Variants in CSMD1 observed in about 807,000 individuals in gnomAD.
CSMD1 encodes CUB and sushi domain-containing protein 1.
In CSMD1, 213 loss-of-function variants were observed where a neutral mutation model predicts 417.5. The ratio of observed to expected loss-of-function variants is 0.51; its 90% CI spans 0.46 to 0.57. The LOEUF is 0.57. Among genes scored for constraint, CSMD1 ranks in the 20% least tolerant of loss-of-function variants. CSMD1 has a pLI of 0.00. For missense variants in CSMD1, 6,923 were observed against 4,529.7 expected, an observed-to-expected ratio of 1.53 and a Z score of -15.17; for synonymous variants, 2,862 against 1,736.8, an observed-to-expected ratio of 1.65 and a Z score of -16.11.
At chr8:4,639,766 T>C (rs1026756760) in intron 1 of CSMD1, among the ~76,000 whole-genome samples, 3 of 152,188 alleles carry the variant, frequency 2.0e-5, no homozygotes, top group South Asian at 2.1e-4. Flanking sequence ...TGAGCTCAAA[T>C]CATTCACAGT....
At chr8:2,969,214 A>T (rs1804225420) in intron 57 of CSMD1, among the ~76,000 whole-genome samples, 1 of 152,204 alleles carries the variant, frequency 6.6e-6, no homozygotes, top group African/African-American at 2.4e-5. Context: ...TATTAGTGGT[A>T]GCAATGAGTT....
At chr8:4,013,887 A>T (rs1796396724) in intron 4 of CSMD1, among the ~76,000 whole-genome samples, 1 of 152,206 alleles carries the variant, frequency 6.6e-6, no homozygotes, top group African/African-American at 2.4e-5. Flanking sequence ...TATGACATGA[A>T]AACAAAATAT....
chr8:4,280,119 G>A (rs922551909), intron 3 of CSMD1, among the ~76,000 whole-genome samples: 1 of 152,094 alleles, frequency 6.6e-6, no homozygotes, highest in Non-Finnish European at 1.5e-5. Flanking sequence ...TCATTACACC[G>A]TACACTTCAA....
At chr8:3,807,062 T>C (rs1800781632) in intron 5 of CSMD1, among the ~76,000 whole-genome samples, 1 of 152,140 alleles carries the variant, frequency 6.6e-6, no homozygotes, top group Non-Finnish European at 1.5e-5. Flanking sequence ...GGTAGCTTAA[T>C]TATTACTATC....
intron 5 of CSMD1, among the ~76,000 whole-genome samples, chr8:3,981,396 A>T (rs952614232): frequency 6.6e-6 from 1 of 150,838 alleles, no homozygotes; most frequent in East Asian, 2.0e-4. Flanking sequence ...GGTGCAGTGT[A>T]TACTGCTTAG....
In CSMD1 at chr8:4,739,534, A is replaced by G. The variant is rs531459116; in HGVS notation, c.86-101976T>C. 2.4e-4 allele frequency among the ~76,000 whole-genome samples: 36 copies of G among 152,308 alleles called. No homozygotes were observed. In the South Asian group the frequency reaches 7.3e-3, roughly 31 times the overall value. On this transcript the variant is annotated intron_variant, in intron 1 of 69. Transcript: ENST00000635120. ...TGCTGTGACTCAATGATAATAACTT[A>G]AAGAAAATCATAATAAGCTCCAGAA...
chr8:3,696,610 T>C (rs1216618935), intron 7 of CSMD1, among the ~76,000 whole-genome samples: 3 of 152,178 alleles, frequency 2.0e-5, no homozygotes, highest in Non-Finnish European at 4.4e-5. Context: ...AAATGAGCGC[T>C]TTGGAAGATT....
chr8:3,441,412 A>G (rs1814976977), intron 12 of CSMD1, among the ~76,000 whole-genome samples: 3 of 152,012 alleles, frequency 2.0e-5, no homozygotes, highest in African/African-American at 7.2e-5. Flanking sequence ...TTAATTTAAT[A>G]AATGACATTG....
In CSMD1 at chr8:2,976,761, TA is replaced by T. The variant is rs1325869415; in HGVS notation, c.8566+1850del. Among the ~76,000 whole-genome samples, 5 of 152,352 alleles carry T rather than the reference TA, an allele frequency of 3.3e-5. No homozygotes were observed. In the East Asian group the frequency reaches 7.7e-4, roughly 24 times the overall value. On this transcript the variant is annotated intron_variant, in intron 55 of 69. Transcript: ENST00000635120. ...GACTAAAGAGAGTAACACCTTTTCC[TA>T]AATCTTCAGACTATGATCTTAAGAC...
chr8:3,221,225 G>T (rs1798193022), intron 28 of CSMD1, among the ~76,000 whole-genome samples: 1 of 152,038 alleles, frequency 6.6e-6, no homozygotes, highest in Admixed American at 6.6e-5. Flanking sequence ...TTTGGGTCAA[G>T]GATACCCTCA....
chr8:4,711,125 G>C (rs1325787196), intron 1 of CSMD1, among the ~76,000 whole-genome samples: 3 of 151,038 alleles, frequency 2.0e-5, no homozygotes, highest in Non-Finnish European at 4.4e-5. Context: ...GAGAAGTTTG[G>C]TAAAATGGAT....
chr8:4,090,792 G>A (rs1047751819), intron 3 of CSMD1, among the ~76,000 whole-genome samples: 9 of 152,142 alleles, frequency 5.9e-5, no homozygotes, highest in African/African-American at 9.7e-5. Flanking sequence ...TCACTGGTGC[G>A]TGGTTAAAGA....
At position 3,684,596 on chromosome 8, in the gene CSMD1, C is replaced by CT. The variant is rs141663569; in HGVS notation, c.1009+23817dup. On this transcript the variant is annotated intron_variant, in intron 7 of 69. Coordinates refer to ENST00000635120, the MANE Select transcript of CSMD1 (RefSeq NM_033225.6). ...ACCCAGTTGCAGATACTGATACAGT[C>CT]TTTTTTTTTTTTTTTTTTTTAGACG... 5.4e-3 allele frequency among the ~76,000 whole-genome samples: 695 copies of CT among 127,914 alleles called. 5 individuals carry two copies. The highest frequency in any genetic ancestry group is 0.023 in the South Asian group (92 of 4,008). 83.9% of individuals were successfully genotyped at this position (127,914 alleles called of 152,430 possible).
At chr8:3,226,502 G>C (rs1006051325) in intron 27 of CSMD1, among the ~76,000 whole-genome samples, 3 of 149,700 alleles carry the variant, frequency 2.0e-5, no homozygotes, top group African/African-American at 4.9e-5. Flanking sequence ...AGAATCGCTT[G>C]AACCTGGGAG....
intron 7 of CSMD1, among the ~76,000 whole-genome samples, chr8:3,672,231 A>C (rs936059831): frequency 6.6e-6 from 1 of 152,178 alleles, no homozygotes; most frequent in Non-Finnish European, 1.5e-5. Flanking sequence ...TTATTTGCTC[A>C]TAAGATTTTT....
intron 7 of CSMD1, among the ~76,000 whole-genome samples, chr8:3,646,529 C>T (rs532563403): frequency 6.6e-6 from 1 of 152,190 alleles, no homozygotes; most frequent in Non-Finnish European, 1.5e-5. Context: ...TGTAGCATTC[C>T]AAGGGAAAGG....
chr8:3,118,850 T>C (rs1032501481), intron 41 of CSMD1, among the ~76,000 whole-genome samples: 11 of 152,176 alleles, frequency 7.2e-5, no homozygotes, highest in Admixed American at 6.5e-5. Context: ...TTATAATGCT[T>C]ACCTTGGAAA....
At chr8:3,275,694 G>A (rs1169207279) in intron 26 of CSMD1, among the ~76,000 whole-genome samples, 1 of 152,000 alleles carries the variant, frequency 6.6e-6, no homozygotes, top group Admixed American at 6.5e-5. Context: ...TTCCATCACT[G>A]ATACCATTTC....
rs528391629 is a variant in CSMD1 at position 3,513,208 on chromosome 8, T to C, written c.1345-19482A>G. Among the ~76,000 whole-genome samples, 89 of 152,268 alleles carry C rather than the reference T, an allele frequency of 5.8e-4. 1 individual carries two copies. The highest frequency in any genetic ancestry group is 5.2e-3 in the Admixed American group (79 of 15,286). ...AAACTTTGGGAAAAAAATAGTTACA[T>C]ACTAATCCTCCAACTTTAATAAATC... is the stretch of plus-strand genomic sequence containing the variant. On this transcript the variant is annotated intron_variant, in intron 10 of 69. Coordinates refer to ENST00000635120, the MANE Select transcript of CSMD1 (RefSeq NM_033225.6).
Sources: gnomAD v4.1 joint callset for allele counts (sites outside exome capture counted in the v4.1 genomes callset) on GRCh38, gnomAD v4.1.1 for gene constraint, MANE v1.5 for transcripts, NCBI Gene and HGNC (gene_info 2026-07-23, HGNC 2026-07-21) for gene names.